WWOX: variants seen among roughly 807,000 people sequenced by gnomAD.
WWOX encodes WW domain containing oxidoreductase.
WWOX carries 69 observed loss-of-function variants against 46.2 expected under a neutral mutation model. The ratio of observed to expected loss-of-function variants is 1.49; its 90% CI spans 1.23 to 1.82. The LOEUF is 1.82. WWOX is among the 40% of genes most tolerant of loss of function. WWOX has a pLI of 0.00. For synonymous variants in WWOX, 359 were observed against 202.6 expected (o/e 1.77, Z -6.56); for missense variants, 919 against 542.6 (o/e 1.69, Z -6.89).
At chr16:78,468,776 G>T (rs1949117280) in intron 8 of WWOX, among the ~76,000 whole-genome samples, 1 of 152,150 alleles carries the variant, frequency 6.6e-6, no homozygotes, top group African/African-American at 2.4e-5. Context: ...GTTGGAGTGG[G>T]ATACAGCAAC....
At chr16:79,202,342 C>T (rs2051371796) in intron 8 of WWOX, among the ~76,000 whole-genome samples, 1 of 152,056 alleles carries the variant, frequency 6.6e-6, no homozygotes, top group Non-Finnish European at 1.5e-5. Context: ...ATGACGGGAC[C>T]CTCAGTAGTG....
At chr16:78,657,005 T>G (rs936672077) in intron 8 of WWOX, among the ~76,000 whole-genome samples, 1 of 152,114 alleles carries the variant, frequency 6.6e-6, no homozygotes, top group Non-Finnish European at 1.5e-5. Flanking sequence ...GATGAGCGTT[T>G]TGCTTCGTGT....
intron 8 of WWOX, among the ~76,000 whole-genome samples, chr16:78,628,847 G>A (rs939651146): frequency 6.6e-6 from 1 of 152,154 alleles, no homozygotes; most frequent in South Asian, 2.1e-4. Context: ...TTTCGTGAGG[G>A]ATTAAGAGGC....
At chr16:78,420,599 G>T (rs376529936) in intron 6 of WWOX, among the ~76,000 whole-genome samples, 118 of 150,724 alleles carry the variant, frequency 7.8e-4, no homozygotes, top group African/African-American at 2.7e-3. Flanking sequence ...GTACACTGAT[G>T]GTGTTTTGGG....
intron 8 of WWOX, among the ~76,000 whole-genome samples, chr16:79,161,025 A>G (rs1307707649): frequency 6.6e-6 from 1 of 152,136 alleles, no homozygotes; most frequent in African/African-American, 2.4e-5. Flanking sequence ...TACAATTTCC[A>G]TTACTCTGAC....
intron 8 of WWOX, among the ~76,000 whole-genome samples, chr16:79,105,258 TTTA>T (rs2049285331): frequency 6.6e-6 from 1 of 152,186 alleles, no homozygotes; most frequent in Admixed American, 6.5e-5. Context: ...AAGGAATTTT[TTTA>T]TTTTGATAGT....
intron 8 of WWOX, among the ~76,000 whole-genome samples, chr16:78,472,240 G>C (rs773344506): frequency 6.6e-5 from 10 of 152,030 alleles, no homozygotes; most frequent in Non-Finnish European, 1.3e-4. Flanking sequence ...CCTGTGACCT[G>C]CTGTCTTAAT....
At chr16:78,390,709 G>A (rs527733127) in intron 6 of WWOX, among the ~76,000 whole-genome samples, 1 of 152,134 alleles carries the variant, frequency 6.6e-6, no homozygotes, top group Non-Finnish European at 1.5e-5. Flanking sequence ...TTTAAGTGCT[G>A]GTGACTAGGC....
At chr16:78,511,040 G>A (rs774722974) in intron 8 of WWOX, among the ~76,000 whole-genome samples, 4 of 152,332 alleles carry the variant, frequency 2.6e-5, no homozygotes, top group East Asian at 1.9e-4. Context: ...GCTGCTCAGC[G>A]TGCCTGGTTC....
intron 8 of WWOX, among the ~76,000 whole-genome samples, chr16:78,981,059 C>T (rs1311444352): frequency 6.6e-6 from 1 of 152,196 alleles, no homozygotes; most frequent in Non-Finnish European, 1.5e-5. Context: ...TGCAGTCATA[C>T]TTTGCAGACC....
chr16:78,564,535 T>G (rs1479191341), intron 8 of WWOX, among the ~76,000 whole-genome samples: 1 of 152,164 alleles, frequency 6.6e-6, no homozygotes, highest in Non-Finnish European at 1.5e-5. Context: ...GAGTGAGTGT[T>G]AACACACAGA....
intron 8 of WWOX, among the ~76,000 whole-genome samples, chr16:78,657,678 A>G (rs990635778): frequency 6.6e-6 from 1 of 152,106 alleles, no homozygotes; most frequent in African/African-American, 2.4e-5. Context: ...GATGGAAGTG[A>G]TTCTCAGTGG....
intron 4 of WWOX, among the ~76,000 whole-genome samples, chr16:78,131,190 C>T (rs540930418): frequency 1.0e-3 from 158 of 152,294 alleles, no homozygotes; most frequent in African/African-American, 3.6e-3. Flanking sequence ...GCAGCTTGAT[C>T]TTTGTGCTTC....
chr16:78,567,421 C>A (rs938786557), intron 8 of WWOX, among the ~76,000 whole-genome samples: 1 of 151,146 alleles, frequency 6.6e-6, no homozygotes, highest in Admixed American at 6.6e-5. Flanking sequence ...GGCGTGGTGG[C>A]GGGTGCCTGT....
chr16:78,911,276 C>G (rs1043382081), intron 8 of WWOX, among the ~76,000 whole-genome samples: 1 of 152,026 alleles, frequency 6.6e-6, no homozygotes, highest in Non-Finnish European at 1.5e-5. Flanking sequence ...TCATAACTAC[C>G]TTGCTTGCCT....
At chr16:78,710,921 G>A (rs2048431591) in intron 8 of WWOX, among the ~76,000 whole-genome samples, 1 of 151,982 alleles carries the variant, frequency 6.6e-6, no homozygotes, top group Non-Finnish European at 1.5e-5. Flanking sequence ...CAAAGCCTAA[G>A]GGACCTTAGA....
At position 78,350,901 on chromosome 16, in the gene WWOX, C is replaced by G. The variant is rs1175342820; in HGVS notation, c.517-35959C>G. ...TGTTCTCCACAGCAGCCACACCCAT[C>G]TACATTCTAACCAGCAGTGTAGGAA... On this transcript the variant is annotated intron_variant, in intron 5 of 8. Transcript: ENST00000566780. Among the ~76,000 whole-genome samples, 2 of 72,374 alleles carry G rather than the reference C, an allele frequency of 2.8e-5. 1 individual carries two copies. The highest frequency in any genetic ancestry group is 7.7e-5 in the Non-Finnish European group (2 of 26,060). 47.5% of individuals were successfully genotyped at this position (72,374 alleles called of 152,430 possible).
chr16:78,502,499 G>A (rs865813469), intron 8 of WWOX, among the ~76,000 whole-genome samples: 17 of 152,258 alleles, frequency 1.1e-4, no homozygotes, highest in African/African-American at 3.1e-4. Context: ...TTATCCCTGC[G>A]ACAGCATCTA....
At chr16:78,364,334 C>T (rs1242823148) in intron 5 of WWOX, among the ~76,000 whole-genome samples, 2 of 152,130 alleles carry the variant, frequency 1.3e-5, no homozygotes, top group Non-Finnish European at 2.9e-5. Context: ...GGTCTCTGAA[C>T]TAAGGCTGTA....
Sources: gnomAD v4.1 joint callset for allele counts (sites outside exome capture counted in the v4.1 genomes callset) on GRCh38, gnomAD v4.1.1 for gene constraint, MANE v1.5 for transcripts, NCBI Gene and HGNC (gene_info 2026-07-23, HGNC 2026-07-21) for gene names.